Variants in DLG2 observed in about 807,000 individuals in gnomAD.
DLG2 encodes disks large homolog 2.
DLG2 carries 45 observed loss-of-function variants against 132.5 expected under a neutral mutation model. That is an observed-to-expected ratio of 0.34 (90% confidence interval 0.27 to 0.44). The LOEUF (loss-of-function observed/expected upper bound fraction) is 0.44, where lower values mean the gene tolerates loss of function less well. Ranked by LOEUF, DLG2 falls within the 20% of genes least tolerant of loss-of-function variation. DLG2 has a pLI of 1.00. For synonymous variants in DLG2, 424 were observed against 419.6 expected (o/e 1.01, Z -0.13); for missense variants, 1,045 against 1,196.9 (o/e 0.87, Z 1.87).
intron 3 of DLG2, among the ~76,000 whole-genome samples, chr11:85,456,660 T>C (rs1006688543): frequency 6.6e-6 from 1 of 152,232 alleles, no homozygotes; most frequent in Admixed American, 6.5e-5. Flanking sequence ...GATTCTTGTA[T>C]GTTCTGTCTT....
intron 21 of DLG2, among the ~76,000 whole-genome samples, chr11:83,489,153 G>A (rs572298648): frequency 6.6e-6 from 1 of 152,032 alleles, no homozygotes; most frequent in African/African-American, 2.4e-5. Context: ...ATATTACAAG[G>A]TAGTCTTGAA....
intron 3 of DLG2, among the ~76,000 whole-genome samples, chr11:85,581,023 G>T (rs1438431887): frequency 2.0e-5 from 3 of 151,996 alleles, no homozygotes; most frequent in Admixed American, 6.6e-5. Flanking sequence ...GTCCACTAAT[G>T]GGGGGGCACC....
intron 6 of DLG2, among the ~76,000 whole-genome samples, chr11:85,064,111 G>A (rs1470632323): frequency 6.6e-6 from 1 of 151,846 alleles, no homozygotes; most frequent in Non-Finnish European, 1.5e-5. Flanking sequence ...TAATATGTTT[G>A]TTTGCATATA....
chr11:84,551,481 C>G (rs546967461), intron 6 of DLG2, among the ~76,000 whole-genome samples: 14 of 152,284 alleles, frequency 9.2e-5, no homozygotes, highest in Middle Eastern at 3.4e-3. Context: ...AGATTACTGC[C>G]TGTGACATGA....
At chr11:85,267,523 A>C (rs1000548459) in intron 4 of DLG2, among the ~76,000 whole-genome samples, 1 of 152,218 alleles carries the variant, frequency 6.6e-6, no homozygotes, top group Non-Finnish European at 1.5e-5. Flanking sequence ...AGAGATCCTG[A>C]TACAAGGTGC....
At chr11:83,629,960 A>G (rs542630945) in intron 19 of DLG2, among the ~76,000 whole-genome samples, 1 of 152,310 alleles carries the variant, frequency 6.6e-6, no homozygotes, top group East Asian at 1.9e-4. Context: ...CAATGCAGGA[A>G]ATACACAATA....
chr11:83,642,499 A>G (rs1327669715), intron 18 of DLG2, among the ~76,000 whole-genome samples: 1 of 152,170 alleles, frequency 6.6e-6, no homozygotes, highest in African/African-American at 2.4e-5. Flanking sequence ...GTGTGAAATA[A>G]AGTAAGTTTT....
chr11:83,478,173 G>A (rs181832111), intron 22 of DLG2, among the ~76,000 whole-genome samples: 16 of 152,050 alleles, frequency 1.1e-4, no homozygotes, highest in African/African-American at 2.9e-4. Flanking sequence ...AGTAGGTACC[G>A]AATGAATAAA....
intron 6 of DLG2, among the ~76,000 whole-genome samples, chr11:84,783,850 T>C (rs1174630142): frequency 6.6e-6 from 1 of 152,116 alleles, no homozygotes; most frequent in Admixed American, 6.6e-5. Flanking sequence ...AGCTATTATT[T>C]AGCTCAGTAA....
chr11:84,181,745 G>T, intron 8 of DLG2, among the ~76,000 whole-genome samples: 1 of 152,088 alleles, frequency 6.6e-6, no homozygotes, highest in Admixed American at 6.6e-5. Context: ...ATTCCAGGTG[G>T]AGCAGATATC....
rs1222486667 is a variant in DLG2 at position 84,307,695 on chromosome 11, C to CAAAAAAAAAAAAAA, written c.520-56418_520-56405dup. On this transcript the variant is annotated intron_variant, in intron 7 of 27. Transcript: ENST00000376104. The stretch of plus-strand genomic sequence containing the variant: ...TGGGTGAAAGAGCGAGACGCAGTCT[C>CAAAAAAAAAAAAAA]AAAAAAAAAAAAAAAAAAAAAGAAG... 1.5e-3 allele frequency among the ~76,000 whole-genome samples: 116 copies of CAAAAAAAAAAAAAA among 77,932 alleles called. 3 individuals carry two copies. Among genetic ancestry groups the CAAAAAAAAAAAAAA allele is most frequent in the Middle Eastern group, 7.9e-3 (1 of 126 alleles). The allele number at this position is 77,932 out of a possible 152,430, so 51.1% of individuals were successfully genotyped here. A position where few individuals can be genotyped will look rare whatever the true frequency, so the allele number is the denominator to read the frequency against.
intron 7 of DLG2, among the ~76,000 whole-genome samples, chr11:84,264,680 G>A (rs1317999745): frequency 6.6e-6 from 1 of 152,098 alleles, no homozygotes; most frequent in Non-Finnish European, 1.5e-5. Context: ...AGGTACTCTG[G>A]AACCTTCATT....
chr11:83,787,361 G>A (rs577327654), intron 17 of DLG2, among the ~76,000 whole-genome samples: 7 of 119,912 alleles, frequency 5.8e-5, no homozygotes, highest in South Asian at 5.6e-4. Flanking sequence ...TCGCTCTTTC[G>A]CCCAGGCTGG....
chr11:83,902,308 C>T (rs7933375), intron 15 of DLG2, among the ~76,000 whole-genome samples: 44,743 of 151,934 alleles, frequency 0.29, 6,754 homozygotes, highest in East Asian at 0.48. Flanking sequence ...AGATTACTAG[C>T]CTTCATTGGA....
rs573285548 is a variant in DLG2, at chr11:85,103,374, C to A, written c.357+8287G>T. 1.5e-4 allele frequency among the ~76,000 whole-genome samples: 23 copies of A among 152,026 alleles called. No individual in the cohort carries two copies. The South Asian group carries it at 4.3e-3, about 29-fold the overall frequency. ...CAACTTACTACAAAGCTACCATAAT[C>A]AAGACAGTGTGGCACTGGCAAAAGG... On this transcript the variant is annotated intron_variant, in intron 6 of 27. Transcript: ENST00000376104.
intron 3 of DLG2, among the ~76,000 whole-genome samples, chr11:85,560,075 A>G (rs1334763290): frequency 6.6e-6 from 1 of 151,902 alleles, no homozygotes. Flanking sequence ...AATTAGAAAG[A>G]TAGACAATAC....
intron 8 of DLG2, among the ~76,000 whole-genome samples, chr11:84,201,775 G>T (rs541816781): frequency 7.1e-6 from 1 of 140,266 alleles, no homozygotes; most frequent in African/African-American, 2.7e-5. Context: ...AGCTACCATT[G>T]ACATTCTTCA....
chr11:83,730,104 T>C (rs1279654841), intron 18 of DLG2, among the ~76,000 whole-genome samples: 1 of 151,460 alleles, frequency 6.6e-6, no homozygotes, highest in Admixed American at 6.6e-5. Context: ...GGGTCAATCA[T>C]TGTGAGTATA....
At chr11:84,003,544 C>A (rs1211405751) in intron 11 of DLG2, among the ~76,000 whole-genome samples, 1 of 152,088 alleles carries the variant, frequency 6.6e-6, no homozygotes, top group Non-Finnish European at 1.5e-5. Flanking sequence ...AAGAAAGACA[C>A]CTTCTTCACA....
Sources: allele counts gnomAD v4.1 joint callset (sites outside exome capture counted in the v4.1 genomes callset), GRCh38; gene constraint gnomAD v4.1.1; transcripts MANE v1.5; gene names NCBI Gene and HGNC (gene_info 2026-07-23, HGNC 2026-07-21).